FLVCR1: variants seen among roughly 807,000 people sequenced by gnomAD.
FLVCR1 encodes FLVCR choline and heme transporter 1.
In FLVCR1, 34 loss-of-function variants were observed where a neutral mutation model predicts 53.6. That is an observed-to-expected ratio of 0.63 (90% CI 0.48 to 0.84). The LOEUF (loss-of-function observed/expected upper bound fraction) is 0.84, where lower values mean the gene tolerates loss of function less well. Among genes scored for constraint, FLVCR1 ranks in the 40% least tolerant of loss-of-function variants. The pLI is 0.00. For synonymous variants in FLVCR1, 300 were observed against 286.3 expected (o/e 1.05, Z -0.48); for missense variants, 677 against 696.7 (o/e 0.97, Z 0.32).
In FLVCR1 at chr1:212,896,368, T is replaced by C. The variant is rs1419159971; in HGVS notation, c.*1078T>C. ...GACCATTCTCCTTTGAGGAATACTA[T>C]GCCCAGGTACATGCTCTATCAGTGT... On this transcript the variant is annotated 3_prime_UTR_variant, in exon 10 of 10. Transcript: ENST00000366971. 1 of 152,208 alleles carries C rather than the reference T, an allele frequency of 6.6e-6. No individual in the cohort carries two copies. Among genetic ancestry groups the C allele is most frequent in the African/African-American group, 2.4e-5 (1 of 41,458 alleles). 9.4% of individuals were successfully genotyped at this position (152,208 alleles called of 1,614,324 possible). A position where few individuals can be genotyped will look rare whatever the true frequency, so the allele number is the denominator to read the frequency against.
At chr1:212,862,612 A>C (rs1418550623) in intron 1 of FLVCR1, among the ~76,000 whole-genome samples, 1 of 152,156 alleles carries the variant, frequency 6.6e-6, no homozygotes, top group African/African-American at 2.4e-5. Context: ...CCTTTTGGTT[A>C]TTGTGGTAAT....
At position 212,858,557 on chromosome 1, in the gene FLVCR1, C is replaced by T. The variant is rs559268808; in HGVS notation, c.105C>T (p.Ser35=). Residue 35 remains serine, a synonymous_variant, in exon 1 of 10, where the codon AGC becomes AGT. Coordinates refer to ENST00000366971, the MANE Select transcript of FLVCR1 (RefSeq NM_014053.4). ...GGGGCGCGCCCGTTGGGAAGGAGAG[C>T]GTGGAGCTGCAGAACGGGCCCAAAG... ...LPRGAPVGKE[S]VELQNGPKAG... 2.6e-5 allele frequency: 38 copies of T among 1,477,510 alleles called. No homozygotes were observed. The South Asian group carries it at 4.5e-4, about 18-fold the overall frequency. The allele number at this position is 1,477,510 out of a possible 1,614,324, so 91.5% of individuals were successfully genotyped here. A position where few individuals can be genotyped will look rare whatever the true frequency, so the allele number is the denominator to read the frequency against.
chr1:212,868,467 G>T (rs1265382266), intron 2 of FLVCR1, among the ~76,000 whole-genome samples: 1 of 152,130 alleles, frequency 6.6e-6, no homozygotes. Flanking sequence ...AGGCTGGAGT[G>T]CAGTGACGCG....
chr1:212,873,329 A>G (rs1033283521), intron 3 of FLVCR1, among the ~76,000 whole-genome samples: 1 of 151,934 alleles, frequency 6.6e-6, no homozygotes, highest in Admixed American at 6.5e-5. Context: ...AATAAAAGAA[A>G]GAAAAGAAAA....
intron 4 of FLVCR1, 22 bp downstream of exon 4, chr1:212,883,460 A>T (rs1180599498): frequency 6.9e-7 from 1 of 1,449,780 alleles, no homozygotes; most frequent in Admixed American, 1.7e-5. Flanking sequence ...CTTATATCAG[A>T]TTGCATGCCT....
At chr1:212,890,648 G>A (rs1372657821) in intron 8 of FLVCR1, among the ~76,000 whole-genome samples, 2 of 152,176 alleles carry the variant, frequency 1.3e-5, no homozygotes, top group African/African-American at 4.8e-5. Flanking sequence ...TGGGGTCTTG[G>A]AATCAATCCC....
chr1:212,860,660 T>C (rs1430003370), intron 1 of FLVCR1, among the ~76,000 whole-genome samples: 1 of 152,216 alleles, frequency 6.6e-6, no homozygotes, highest in Admixed American at 6.5e-5. Context: ...CATGTTCATA[T>C]GTTACTTACC....
At position 212,858,384 on chromosome 1, in the gene FLVCR1, G is replaced by A; in HGVS notation, c.-69G>A. On this transcript the variant is annotated 5_prime_UTR_variant, in exon 1 of 10. Coordinates refer to ENST00000366971, the MANE Select transcript of FLVCR1 (RefSeq NM_014053.4). ...AGGTGGGGCCCCAGGAGGACCTCGG[G>A]CTGTGGGCCGGGAGAGCGGAGTCGG... The A allele has an allele frequency of 2.2e-6, 3 of 1,374,054 alleles. No individual in the cohort carries two copies. The highest frequency in any genetic ancestry group is 2.9e-6 in the Non-Finnish European group (3 of 1,048,460). 85.1% of individuals were successfully genotyped at this position (1,374,054 alleles called of 1,614,324 possible).
In FLVCR1 at chr1:212,858,539, G is replaced by A; in HGVS notation, c.87G>A (p.Ala29=). The stretch of plus-strand genomic sequence containing the variant: ...GATACCTCCCGTTGCCGAGGGGCGC[G>A]CCCGTTGGGAAGGAGAGCGTGGAGC... The part of the protein sequence containing the change: ...AKGYLPLPRG[A]PVGKESVELQ... Residue 29 remains alanine (A), a synonymous_variant, in exon 1 of 10, where the codon GCG becomes GCA. Coordinates refer to ENST00000366971, the MANE Select transcript of FLVCR1 (RefSeq NM_014053.4). The A allele has an allele frequency of 6.8e-7, 1 of 1,463,418 alleles. No homozygotes were observed. The highest frequency in any genetic ancestry group is 2.5e-5 in the East Asian group (1 of 40,208). 90.7% of individuals were successfully genotyped at this position (1,463,418 alleles called of 1,614,324 possible). A position where few individuals can be genotyped will look rare whatever the true frequency, so the allele number is the denominator to read the frequency against.
In FLVCR1 at chr1:212,889,223, C is replaced by CT; in HGVS notation, c.1492dup (p.Cys498LeufsTer17). On this transcript the variant is annotated frameshift_variant, in exon 8 of 10. Transcript: ENST00000366971. LOFTEE classifies it high-confidence loss of function. ...GTCCTAAGGCAGGGAACATTTTTCTCTGTGTCTGGATGTTTATAGGCATCA... is the reference window on the plus strand; with the variant it reads ...GTCCTAAGGCAGGGAACATTTTTCTCTTGTGTCTGGATGTTTATAGGCATCA... 1 of 1,613,660 alleles carries CT rather than the reference C, an allele frequency of 6.2e-7. No homozygotes were observed. The highest frequency in any genetic ancestry group is 2.2e-5 in the East Asian group (1 of 44,864).
intron 8 of FLVCR1, among the ~76,000 whole-genome samples, chr1:212,891,226 T>C (rs1432989047): frequency 6.6e-6 from 1 of 152,086 alleles, no homozygotes; most frequent in African/African-American, 2.4e-5. Context: ...CTGACCAACA[T>C]AGTGAAACCG....
chr1:212,873,202 A>G (rs1206903833), intron 3 of FLVCR1, among the ~76,000 whole-genome samples: 3 of 151,976 alleles, frequency 2.0e-5, no homozygotes, highest in Non-Finnish European at 4.4e-5. Context: ...AATCCCGGCT[A>G]CTCAGGTGGC....
Position 212,877,149 on chromosome 1 carries a change from TTTTTGA to T in FLVCR1, c.1024+4332_1024+4337del, listed in dbSNP as rs767897957. On this transcript the variant is annotated intron_variant, in intron 3 of 9. Coordinates refer to ENST00000366971, the MANE Select transcript of FLVCR1 (RefSeq NM_014053.4). The stretch of plus-strand genomic sequence containing the variant: ...TAAATGTCTTTTTTTTTTTTTTTTT[TTTTTGA>T]GAGAGAGTCTCGCTCTGTCGCCCAG... 4.4e-5 allele frequency among the ~76,000 whole-genome samples: 5 copies of T among 113,586 alleles called. No individual in the cohort carries two copies. The South Asian group carries it at 1.5e-3, about 34-fold the overall frequency. The allele number at this position is 113,586 out of a possible 152,430, so 74.5% of individuals were successfully genotyped here.
chr1:212,866,474 CTT>C (rs200827176), intron 2 of FLVCR1, among the ~76,000 whole-genome samples: 64,714 of 147,630 alleles, frequency 0.44, 14,958 homozygotes, highest in East Asian at 0.53. Flanking sequence ...TCTGATTTTC[CTT>C]TTTTTTTTTT....
intron 1 of FLVCR1, 66 bp downstream of exon 1, chr1:212,859,256 G>T: frequency 1.2e-6 from 2 of 1,609,298 alleles, no homozygotes; most frequent in Non-Finnish European, 1.7e-6. Flanking sequence ...TAGGCCGTGA[G>T]AACTATGGCC....
At chr1:212,874,353 C>G (rs1421964853) in intron 3 of FLVCR1, among the ~76,000 whole-genome samples, 1 of 152,046 alleles carries the variant, frequency 6.6e-6, no homozygotes, top group African/African-American at 2.4e-5. Context: ...ATATCTCATC[C>G]TTATATATTA....
chr1:212,883,286 A>G (rs1664969864), intron 3 of FLVCR1, 85 bp from the exon 4 acceptor site: 1 of 770,878 alleles, frequency 1.3e-6, no homozygotes, highest in Non-Finnish European at 2.3e-6. Context: ...ATGTCACTTC[A>G]TGAACTGGTA....
chr1:212,893,095 G>A (rs534888242), intron 8 of FLVCR1, among the ~76,000 whole-genome samples: 2 of 147,390 alleles, frequency 1.4e-5, no homozygotes, highest in East Asian at 2.1e-4. Context: ...TTGCTGTGTT[G>A]CCCAGGCTGG....
chr1:212,861,613 C>G (rs186121871), intron 1 of FLVCR1, among the ~76,000 whole-genome samples: 3 of 152,066 alleles, frequency 2.0e-5, no homozygotes, highest in Non-Finnish European at 2.9e-5. Context: ...TATTACCACC[C>G]TCTCTTGTAA....
Sources: allele counts gnomAD v4.1 joint callset (sites outside exome capture counted in the v4.1 genomes callset), GRCh38; gene constraint gnomAD v4.1.1; transcripts MANE v1.5; gene names NCBI Gene and HGNC (gene_info 2026-07-23, HGNC 2026-07-21).